CMTM4: variants seen among roughly 807,000 people sequenced by gnomAD.
The protein encoded by CMTM4 is CKLF like MARVEL transmembrane domain containing 4, also known as CKLF-like MARVEL transmembrane domain-containing protein 4.
Under a neutral mutation model 19.0 loss-of-function variants are expected in CMTM4, and 8 were observed. The observed-to-expected ratio is 0.42, with a 90% CI of 0.25 to 0.76. CMTM4 has a LOEUF of 0.76. Among genes scored for constraint, CMTM4 ranks in the 30% least tolerant of loss-of-function variants. The pLI is 0.27. For synonymous variants in CMTM4, 106 were observed against 121.1 expected, an observed-to-expected ratio of 0.88 and a Z score of 0.82; for missense variants, 228 against 290.2, an observed-to-expected ratio of 0.79 and a Z score of 1.56.
chr16:66,635,987 G>C (rs956917557), intron 2 of CMTM4, among the ~76,000 whole-genome samples: 5 of 152,194 alleles, frequency 3.3e-5, no homozygotes, highest in African/African-American at 1.2e-4. Flanking sequence ...AATATTCCTA[G>C]GCTCTGTAAG....
intron 2 of CMTM4, among the ~76,000 whole-genome samples, chr16:66,630,315 C>G (rs1341442440): frequency 1.0e-5 from 1 of 98,662 alleles, no homozygotes; most frequent in African/African-American, 3.9e-5. Flanking sequence ...CCTCACCCTC[C>G]CCCTCCCCCC....
At chr16:66,633,544 G>A (rs2015924476) in intron 2 of CMTM4, among the ~76,000 whole-genome samples, 1 of 152,060 alleles carries the variant, frequency 6.6e-6, no homozygotes, top group African/African-American at 2.4e-5. Context: ...TTGGCAGGGT[G>A]CAGTGGCTCA....
At chr16:66,664,333 TG>T (rs2016553474) in intron 1 of CMTM4, among the ~76,000 whole-genome samples, 1 of 151,230 alleles carries the variant, frequency 6.6e-6, no homozygotes, top group Non-Finnish European at 1.5e-5. Flanking sequence ...TCATGGAGAA[TG>T]GAAATGATAC....
Position 66,617,663 on chromosome 16 carries a change from T to C in CMTM4, c.*4395A>G. On this transcript the variant is annotated 3_prime_UTR_variant, in exon 4 of 4. Transcript: ENST00000394106. ...GACAGTTCTTGTGACTTGAATGATA[T>C]CTGCTGAGAAGAGAAGAAACACAAG... is the stretch of plus-strand genomic sequence containing the variant. The C allele has an allele frequency of 1.8e-6, 2 of 1,104,694 alleles. No homozygotes were observed. The highest frequency in any genetic ancestry group is 2.2e-6 in the Non-Finnish European group (2 of 902,292). 68.4% of individuals were successfully genotyped at this position (1,104,694 alleles called of 1,614,324 possible).
chr16:66,673,848 T>C (rs148354549), intron 1 of CMTM4, among the ~76,000 whole-genome samples: 6 of 152,368 alleles, frequency 3.9e-5, no homozygotes, highest in Non-Finnish European at 8.8e-5. Context: ...GAAATAGTCT[T>C]GGTCGTGGGA....
chr16:66,633,397 C>T (rs2015921787), intron 2 of CMTM4, among the ~76,000 whole-genome samples: 2 of 152,188 alleles, frequency 1.3e-5, no homozygotes, highest in African/African-American at 2.4e-5. Context: ...ACTCCCACCA[C>T]CTTGTTACAG....
intron 1 of CMTM4, among the ~76,000 whole-genome samples, chr16:66,675,081 T>G (rs1009436658): frequency 7.3e-5 from 11 of 151,210 alleles, no homozygotes; most frequent in Non-Finnish European, 1.2e-4. Context: ...AAAAATTTTT[T>G]TTTTAATTTT....
At chr16:66,664,036 C>A (rs1316233251) in intron 1 of CMTM4, among the ~76,000 whole-genome samples, 1 of 151,900 alleles carries the variant, frequency 6.6e-6, no homozygotes, top group African/African-American at 2.4e-5. Context: ...AGTTTGAGAC[C>A]AGCCTGGCCA....
intron 1 of CMTM4, among the ~76,000 whole-genome samples, chr16:66,667,792 G>A (rs1053063714): frequency 6.6e-6 from 1 of 152,086 alleles, no homozygotes; most frequent in Admixed American, 6.6e-5. Flanking sequence ...AGGAGGCTGA[G>A]GCAGGAGAAT....
chr16:66,609,998 C>G (rs562372842), downstream of CMTM4: 3 of 1,614,096 alleles, frequency 1.9e-6, no homozygotes, highest in Non-Finnish European at 2.5e-6. The surrounding 1 kb of genome is among the most constrained non-coding windows in gnomAD (Gnocchi z 4.4). Context: ...GCCCACAAGA[C>G]AGAAGGTAAG....
intron 1 of CMTM4, among the ~76,000 whole-genome samples, chr16:66,671,151 G>C (rs1055014088): frequency 2.0e-5 from 3 of 152,132 alleles, no homozygotes; most frequent in African/African-American, 7.2e-5. Flanking sequence ...TAAGCTCCTT[G>C]ACGTAAAGCA....
At chr16:66,606,652 C>T in the CMTM4 span, among the ~76,000 whole-genome samples, 1 of 152,168 alleles carries the variant, frequency 6.6e-6, no homozygotes, top group Non-Finnish European at 1.5e-5. Flanking sequence ...GTGACAGAAA[C>T]CAGGGACAGA....
chr16:66,655,962 G>A lies in CMTM4; in HGVS notation c.187-19381C>T, dbSNP rs79448166. Among the ~76,000 whole-genome samples, 897 of 152,112 alleles carry A rather than the reference G, an allele frequency of 5.9e-3. 12 individuals are homozygous for A. Among genetic ancestry groups the A allele is most frequent in the African/African-American group, 0.021 (861 of 41,504 alleles). On this transcript the variant is annotated intron_variant, in intron 1 of 3. Coordinates refer to ENST00000394106, the MANE Select transcript of CMTM4 (RefSeq NM_181521.3). ...GCATCTCTACAAAAATAAATTAGCC[G>A]GGAATGGTAGCCCACGCCTATGGTC...
At chr16:66,625,055 T>C (rs2015708919) in intron 2 of CMTM4, among the ~76,000 whole-genome samples, 1 of 152,058 alleles carries the variant, frequency 6.6e-6, no homozygotes, top group Non-Finnish European at 1.5e-5. Context: ...GAGGGGAAAA[T>C]ACAATACACT....
intron 1 of CMTM4, among the ~76,000 whole-genome samples, chr16:66,640,191 C>T (rs970491543): frequency 6.6e-6 from 1 of 152,172 alleles, no homozygotes; most frequent in Non-Finnish European, 1.5e-5. Flanking sequence ...ATCCCAGCTA[C>T]TCCGGAGGCT....
chr16:66,672,178 G>A (rs1055827442), intron 1 of CMTM4, among the ~76,000 whole-genome samples: 2 of 151,862 alleles, frequency 1.3e-5, no homozygotes, highest in East Asian at 1.9e-4. Context: ...TTGGGAGGCC[G>A]AGGCAGGTGG....
At chr16:66,624,585 G>A (rs1358741801) in intron 2 of CMTM4, among the ~76,000 whole-genome samples, 1 of 152,168 alleles carries the variant, frequency 6.6e-6, no homozygotes, top group Non-Finnish European at 1.5e-5. Context: ...TGGTCAACAT[G>A]GTGAAACCCC....
In CMTM4 at chr16:66,617,505, A is replaced by T; in HGVS notation, c.*4553T>A. On this transcript the variant is annotated 3_prime_UTR_variant, in exon 4 of 4. Transcript: ENST00000394106. ...CAAAATGCCACTCACTTGCATGAAG[A>T]AGAATTAAACAGAACATTCACTTTC... 7.1e-7 allele frequency: 1 copy of T among 1,418,198 alleles called. No homozygotes were observed. Among genetic ancestry groups the T allele is most frequent in the Non-Finnish European group, 9.2e-7 (1 of 1,089,730 alleles). 87.9% of individuals were successfully genotyped at this position (1,418,198 alleles called of 1,614,324 possible).
At chr16:66,653,400 CAG>C (rs990267654) in intron 1 of CMTM4, among the ~76,000 whole-genome samples, 1 of 152,106 alleles carries the variant, frequency 6.6e-6, no homozygotes, top group Non-Finnish European at 1.5e-5. Context: ...CTACACCATC[CAG>C]AGAGAGAGGT....
Sources: allele counts gnomAD v4.1 joint callset (sites outside exome capture counted in the v4.1 genomes callset), GRCh38; gene constraint gnomAD v4.1.1; non-coding constraint Gnocchi (gnomAD v3.1); transcripts MANE v1.5; gene names NCBI Gene and HGNC (gene_info 2026-07-23, HGNC 2026-07-21).